Variants in DNAJC6 observed in about 807,000 individuals in gnomAD.
The protein encoded by DNAJC6 is auxilin.
DNAJC6 carries 34 observed loss-of-function variants against 110.0 expected under a neutral mutation model. The observed-to-expected ratio is 0.31, with a 90% CI of 0.24 to 0.41. The LOEUF (loss-of-function observed/expected upper bound fraction) is 0.41, where lower values mean the gene tolerates loss of function less well. DNAJC6 is among the 10% of genes least tolerant of loss of function. The pLI is 1.00. For missense variants in DNAJC6, 1,031 were observed against 1,207.8 expected (o/e 0.85, Z 2.17); for synonymous variants, 406 against 437.2 (o/e 0.93, Z 0.89).
At chr1:65,364,614 G>GA in intron 1 of DNAJC6, 21 bp from the exon 2 acceptor site, 2 of 1,424,456 alleles carry the variant, frequency 1.4e-6, no homozygotes, top group Non-Finnish European at 1.9e-6. Flanking sequence ...TTGTTTGTTT[G>GA]TTTTTTTTTT....
intron 1 of DNAJC6, among the ~76,000 whole-genome samples, chr1:65,361,398 G>T (rs1295256044): frequency 6.6e-6 from 1 of 152,114 alleles, no homozygotes; most frequent in Non-Finnish European, 1.5e-5. Context: ...GGTATCAATA[G>T]CTCTTAAGAT....
chr1:65,299,599 T>C (rs1459562552), intron 1 of DNAJC6, among the ~76,000 whole-genome samples: 1 of 152,222 alleles, frequency 6.6e-6, no homozygotes, highest in Non-Finnish European at 1.5e-5. Context: ...ATGCCAGGCC[T>C]TATGCTAAGC....
At chr1:65,383,589 A>G (rs1034739283) in intron 5 of DNAJC6, among the ~76,000 whole-genome samples, 1 of 151,610 alleles carries the variant, frequency 6.6e-6, no homozygotes, top group Non-Finnish European at 1.5e-5. Context: ...TTATAAGGGC[A>G]CAATTCCCAT....
In DNAJC6 at chr1:65,406,060, A is replaced by C. The variant is rs1646073299; in HGVS notation, c.2418A>C (p.Arg806=). The C allele has an allele frequency of 1.9e-6, 3 of 1,613,980 alleles. No homozygotes were observed. The highest frequency in any genetic ancestry group is 2.7e-5 in the African/African-American group (2 of 74,892). Residue 806 remains arginine, a synonymous_variant, in exon 16 of 19, where the codon CGA becomes CGC. Coordinates refer to ENST00000371069, the MANE Select transcript of DNAJC6 (RefSeq NM_001256864.2). ...PSMPHSSPQN[R]PNYNVSFSAM... is the part of the protein sequence containing the mutation. ...TGCCCCACTCCTCTCCCCAGAACCG[A>C]CCCAACTACAACGTGAGCTTCTCAG... is the stretch of plus-strand genomic sequence containing the variant.
chr1:65,283,004 G>A (rs1473621498), intron 1 of DNAJC6, among the ~76,000 whole-genome samples: 1 of 152,108 alleles, frequency 6.6e-6, no homozygotes, highest in South Asian at 2.1e-4. Flanking sequence ...AGATTTGTCC[G>A]AGAGATTCCA....
chr1:65,361,703 A>G (rs1275944718), intron 1 of DNAJC6, among the ~76,000 whole-genome samples: 1 of 152,226 alleles, frequency 6.6e-6, no homozygotes, highest in Non-Finnish European at 1.5e-5. Flanking sequence ...GTAGGAATTT[A>G]AACTGCTGTG....
intron 1 of DNAJC6, among the ~76,000 whole-genome samples, chr1:65,338,955 T>A (rs978961035): frequency 1.3e-5 from 2 of 152,204 alleles, no homozygotes; most frequent in African/African-American, 4.8e-5. Flanking sequence ...TGCTCTCAGG[T>A]GCTCTCCTCT....
At chr1:65,291,756 G>A (rs989098777) in intron 1 of DNAJC6, among the ~76,000 whole-genome samples, 5 of 152,100 alleles carry the variant, frequency 3.3e-5, no homozygotes, top group African/African-American at 4.8e-5. Flanking sequence ...GCAATTCTAC[G>A]AGGTAAGCAA....
chr1:65,364,803 AG>A lies in DNAJC6; in HGVS notation c.344+19del, dbSNP rs1645630473. On this transcript the variant is annotated intron_variant, in intron 2 of 18. Coordinates refer to ENST00000371069, the MANE Select transcript of DNAJC6 (RefSeq NM_001256864.2). ...GTGACCAGGTACGCACATTCTTCCC[AG>A]TTAATTTAGTGGATCCCCATGCTCT... is the stretch of plus-strand genomic sequence containing the variant. 6.2e-7 allele frequency: 1 copy of A among 1,610,950 alleles called. No homozygotes were observed. Among genetic ancestry groups the A allele is most frequent in the South Asian group, 1.1e-5 (1 of 90,518 alleles).
chr1:65,306,383 G>T (rs1645038483), upstream of DNAJC6: 1 of 152,002 alleles, frequency 6.6e-6, no homozygotes, highest in Non-Finnish European at 1.5e-5. Flanking sequence ...TATATTCTCT[G>T]GAAATGAAAA....
intron 1 of DNAJC6, among the ~76,000 whole-genome samples, chr1:65,355,065 T>A (rs1570317589): frequency 6.6e-6 from 1 of 151,770 alleles, no homozygotes; most frequent in East Asian, 1.9e-4. Context: ...TCACTTGAGC[T>A]CAGGAGTTTG....
chr1:65,295,182 G>A (rs1644917274), intron 1 of DNAJC6, among the ~76,000 whole-genome samples: 1 of 152,158 alleles, frequency 6.6e-6, no homozygotes, highest in African/African-American at 2.4e-5. Context: ...TTGAAAAAGG[G>A]GGATCTTGTA....
intron 1 of DNAJC6, among the ~76,000 whole-genome samples, chr1:65,315,941 C>T (rs1258699598): frequency 6.6e-6 from 1 of 151,998 alleles, no homozygotes; most frequent in African/African-American, 2.4e-5. Context: ...TTTTTAATCC[C>T]ATGAAAGTAC....
At chr1:65,376,606 T>G (rs758989767) in intron 4 of DNAJC6, among the ~76,000 whole-genome samples, 3 of 151,760 alleles carry the variant, frequency 2.0e-5, no homozygotes, top group Non-Finnish European at 2.9e-5. Context: ...TTTCAAGAAA[T>G]TTTTAAATTT....
intron 1 of DNAJC6, among the ~76,000 whole-genome samples, chr1:65,291,911 T>C (rs755057797): frequency 9.2e-5 from 14 of 152,218 alleles, no homozygotes; most frequent in Non-Finnish European, 1.6e-4. Flanking sequence ...CTTTCGTTCC[T>C]ACTTTCCTCT....
At chr1:65,388,220 A>G in intron 8 of DNAJC6, 116 bp from the exon 9 acceptor site, 1 of 887,218 alleles carries the variant, frequency 1.1e-6, no homozygotes, top group Non-Finnish European at 1.9e-6. Context: ...ATCCATAGTA[A>G]ACACAAATTC....
At chr1:65,279,192 C>A (rs537897963) in intron 1 of DNAJC6, 1 of 983,574 alleles carries the variant, frequency 1.0e-6, no homozygotes, top group African/African-American at 1.7e-5. Context: ...AATAACATTT[C>A]TACAACTTTG....
intron 15 of DNAJC6, among the ~76,000 whole-genome samples, chr1:65,403,398 G>A (rs559522497): frequency 6.6e-6 from 1 of 152,156 alleles, no homozygotes; most frequent in Non-Finnish European, 1.5e-5. Flanking sequence ...GTGGGAAGGG[G>A]TATCAGTTCA....
chr1:65,292,855 T>C (rs1644893261), intron 1 of DNAJC6, among the ~76,000 whole-genome samples: 1 of 152,232 alleles, frequency 6.6e-6, no homozygotes, highest in Non-Finnish European at 1.5e-5. Flanking sequence ...TTAAATGGGC[T>C]CAGAGGGCAG....
Sources: allele counts gnomAD v4.1 joint callset (sites outside exome capture counted in the v4.1 genomes callset), GRCh38; gene constraint gnomAD v4.1.1; transcripts MANE v1.5; gene names NCBI Gene and HGNC (gene_info 2026-07-23, HGNC 2026-07-21).